Variants in OSBPL10 observed in about 807,000 individuals in gnomAD.
The protein encoded by OSBPL10 is oxysterol-binding protein-related protein 10.
OSBPL10 carries 49 observed loss-of-function variants against 81.7 expected under a neutral mutation model. The observed-to-expected ratio is 0.60, with a 90% CI of 0.48 to 0.76. The LOEUF is 0.76. Among genes scored for constraint, OSBPL10 ranks in the 30% least tolerant of loss-of-function variants. The pLI, the probability that OSBPL10 is intolerant of heterozygous loss-of-function variation, is 0.00. For missense variants in OSBPL10, 923 were observed against 987.8 expected, an observed-to-expected ratio of 0.93 and a Z score of 0.88; for synonymous variants, 419 against 383.6, an observed-to-expected ratio of 1.09 and a Z score of -1.08.
rs1011713430 is a variant in OSBPL10 at position 31,702,583 on chromosome 3, C to T, written c.1096-75G>A. 12 of 1,583,002 alleles carry T rather than the reference C, an allele frequency of 7.6e-6. No homozygotes were observed. In the African/African-American group the frequency reaches 1.2e-4, roughly 16 times the overall value. ...GAAATAAAGTGTATGAATTCACATGCTTTGCAATGACAGAAGAAACCCAAT... is the reference window on the plus strand; with the variant it reads ...GAAATAAAGTGTATGAATTCACATGTTTTGCAATGACAGAAGAAACCCAAT... On this transcript the variant is annotated intron_variant, in intron 6 of 11. Coordinates refer to ENST00000396556, the MANE Select transcript of OSBPL10 (RefSeq NM_017784.5).
chr3:31,716,843 T>C (rs1432589403), intron 6 of OSBPL10: 3 of 152,194 alleles, frequency 2.0e-5, no homozygotes, highest in African/African-American at 7.2e-5. Flanking sequence ...GGTGATTATA[T>C]TTTCATCAGT....
At chr3:31,983,815 C>T (rs1245473135), upstream of OSBPL10, among the ~76,000 whole-genome samples, 1 of 152,206 alleles carries the variant, frequency 6.6e-6, no homozygotes, top group African/African-American at 2.4e-5. Flanking sequence ...GTTTGAAAAA[C>T]AATTTGGAAA....
chr3:31,812,744 A>C (rs1000568390), intron 4 of OSBPL10, among the ~76,000 whole-genome samples: 1 of 29,664 alleles, frequency 3.4e-5, no homozygotes, highest in Non-Finnish European at 6.3e-5. Flanking sequence ...GAAAGAAAGA[A>C]AGAAAGAAAG....
intron 4 of OSBPL10, among the ~76,000 whole-genome samples, chr3:31,790,590 T>C (rs1698984984): frequency 1.3e-5 from 2 of 152,196 alleles, no homozygotes; most frequent in Non-Finnish European, 2.9e-5. Context: ...CTGATAGATC[T>C]TGGGGGCATT....
At chr3:31,811,563 G>A (rs1484176331) in intron 4 of OSBPL10, among the ~76,000 whole-genome samples, 1 of 152,176 alleles carries the variant, frequency 6.6e-6, no homozygotes, top group Admixed American at 6.5e-5. Context: ...ACACTTTACA[G>A]ACAGGAAAAA....
intron 4 of OSBPL10, chr3:31,797,758 A>G (rs992513195): frequency 8.8e-5 from 40 of 455,964 alleles, no homozygotes; most frequent in Non-Finnish European, 1.7e-4. Flanking sequence ...AATGTACCAG[A>G]AAGATCAACT....
chr3:31,897,772 G>A (rs2125670836), intron 1 of OSBPL10, among the ~76,000 whole-genome samples: 1 of 152,214 alleles, frequency 6.6e-6, no homozygotes, highest in Admixed American at 6.5e-5. Context: ...CACTTTGGGA[G>A]GCTGAGGTGG....
intron 2 of OSBPL10, among the ~76,000 whole-genome samples, chr3:32,003,294 G>A (rs528579206): frequency 3.3e-5 from 5 of 152,224 alleles, no homozygotes; most frequent in Non-Finnish European, 7.3e-5. Context: ...AGTCATTAGC[G>A]TGGTCTTCCT....
At chr3:31,952,232 T>A (rs185868393) in intron 1 of OSBPL10, among the ~76,000 whole-genome samples, 82 of 151,776 alleles carry the variant, frequency 5.4e-4, no homozygotes, top group African/African-American at 1.7e-3. Context: ...ATTAGGTGGA[T>A]TAAGAAATAT....
chr3:32,016,860 T>G (rs1049074929), intron 2 of OSBPL10, among the ~76,000 whole-genome samples: 5 of 152,202 alleles, frequency 3.3e-5, no homozygotes, highest in African/African-American at 1.2e-4. Flanking sequence ...TTAATCTGTC[T>G]GCATATGAGT....
At chr3:31,962,579 G>T (rs891529807) in intron 1 of OSBPL10, among the ~76,000 whole-genome samples, 3 of 151,952 alleles carry the variant, frequency 2.0e-5, no homozygotes, top group Non-Finnish European at 4.4e-5. Flanking sequence ...ACCAGCACAG[G>T]AGAAGTGCCA....
At chr3:31,674,427 G>A (rs1027225744) in intron 8 of OSBPL10, among the ~76,000 whole-genome samples, 2 of 152,086 alleles carry the variant, frequency 1.3e-5, no homozygotes, top group Non-Finnish European at 2.9e-5. Context: ...GTGCATGGTG[G>A]TGAGCACCTG....
In OSBPL10 at chr3:31,691,480, G is replaced by T. The variant is rs1695548443; in HGVS notation, c.1246-7366C>A. ...CAGACCCATGATCCCAGCATTTTGA[G>T]AGGCTGAGGTGGGAGGATCGCTTCA... On this transcript the variant is annotated intron_variant, in intron 7 of 11. Coordinates refer to ENST00000396556, the MANE Select transcript of OSBPL10 (RefSeq NM_017784.5). Among the ~76,000 whole-genome samples the T allele has an allele frequency of 3.3e-5, 5 of 152,140 alleles. No homozygotes were observed. In the South Asian group the frequency reaches 1.0e-3, roughly 31 times the overall value.
At chr3:31,880,477 A>G (rs1292779972) in intron 1 of OSBPL10, among the ~76,000 whole-genome samples, 1 of 152,232 alleles carries the variant, frequency 6.6e-6, no homozygotes, top group Non-Finnish European at 1.5e-5. Context: ...CTTAAATCAC[A>G]CAATGAATCT....
At chr3:31,790,642 C>T (rs556446882) in intron 4 of OSBPL10, among the ~76,000 whole-genome samples, 20 of 152,248 alleles carry the variant, frequency 1.3e-4, no homozygotes, top group African/African-American at 9.6e-5. Context: ...ATGCTTATGG[C>T]GCCTTGAAGT....
chr3:31,783,916 T>C (rs1369802098), intron 4 of OSBPL10, among the ~76,000 whole-genome samples: 1 of 132,148 alleles, frequency 7.6e-6, no homozygotes, highest in Non-Finnish European at 1.6e-5. Context: ...ATAAACAAGA[T>C]AGAAATTTAC....
intron 4 of OSBPL10, among the ~76,000 whole-genome samples, chr3:31,763,097 A>G (rs939218940): frequency 6.6e-6 from 1 of 152,218 alleles, no homozygotes; most frequent in African/African-American, 2.4e-5. Context: ...AAATTCACAG[A>G]AAAGAAAACA....
chr3:31,755,531 T>C (rs1270902200), intron 4 of OSBPL10, among the ~76,000 whole-genome samples: 1 of 152,246 alleles, frequency 6.6e-6, no homozygotes, highest in Non-Finnish European at 1.5e-5. Context: ...CATGGTGTCA[T>C]TATTGAGGCT....
chr3:32,013,469 C>T (rs916489586), intron 2 of OSBPL10, among the ~76,000 whole-genome samples: 5 of 152,060 alleles, frequency 3.3e-5, no homozygotes, highest in African/African-American at 1.2e-4. Flanking sequence ...ATTTACAGCA[C>T]TAAATGCCCA....
Sources: allele counts gnomAD v4.1 joint callset (sites outside exome capture counted in the v4.1 genomes callset), GRCh38; gene constraint gnomAD v4.1.1; transcripts MANE v1.5; gene names NCBI Gene and HGNC (gene_info 2026-07-23, HGNC 2026-07-21).